CPQ: variants seen among roughly 807,000 people sequenced by gnomAD.
The protein encoded by CPQ is Ser-Met dipeptidase.
Under a neutral mutation model 45.7 loss-of-function variants are expected in CPQ, and 37 were observed. The observed-to-expected ratio is 0.81, with a 90% CI of 0.62 to 1.07. The LOEUF (loss-of-function observed/expected upper bound fraction) is 1.07, where lower values mean the gene tolerates loss of function less well. Among genes scored for constraint, CPQ ranks in the 50% least tolerant of loss-of-function variants. CPQ has a pLI of 0.00. For synonymous variants in CPQ, 186 were observed against 205.8 expected, an observed-to-expected ratio of 0.90 and a Z score of 0.82; for missense variants, 537 against 572.9, an observed-to-expected ratio of 0.94 and a Z score of 0.64.
At chr8:96,812,073 G>A (rs1456547592) in intron 2 of CPQ, among the ~76,000 whole-genome samples, 1 of 152,072 alleles carries the variant, frequency 6.6e-6, no homozygotes, top group Non-Finnish European at 1.5e-5. Flanking sequence ...TCTCTTTGGA[G>A]TACCCATAGA....
chr8:97,090,570 TAAC>T (rs1035239924), intron 7 of CPQ, among the ~76,000 whole-genome samples: 18 of 152,182 alleles, frequency 1.2e-4, no homozygotes, highest in African/African-American at 4.1e-4. Context: ...AACCACTCTC[TAAC>T]TGGTGTCCTT....
chr8:96,782,308 A>G (rs1810697587), intron 1 of CPQ, among the ~76,000 whole-genome samples: 1 of 152,162 alleles, frequency 6.6e-6, no homozygotes. Context: ...TACCACCAGG[A>G]CTTACTGCTT....
At position 97,029,405 on chromosome 8, in the gene CPQ, C is replaced by T; in HGVS notation, c.964C>T (p.Leu322=). Residue 322 remains leucine (L), a splice_region_variant and synonymous_variant, in exon 6 of 8, where the codon CTG becomes TTG. Coordinates refer to ENST00000220763, the MANE Select transcript of CPQ (RefSeq NM_016134.4). ...EALSLIKDLG[L]RPKRTLRLVL... is the part of the protein sequence containing the mutation. ...TTTTTATTTTATTATTTTCCCAGGG[C>T]TGCGTCCAAAGAGGACTCTGCGGCT... The T allele has an allele frequency of 6.2e-7, 1 of 1,601,808 alleles. No homozygotes were observed. Among genetic ancestry groups the T allele is most frequent in the Non-Finnish European group, 8.5e-7 (1 of 1,173,092 alleles).
chr8:96,790,867 A>C (rs899343471), intron 2 of CPQ, among the ~76,000 whole-genome samples: 1 of 152,018 alleles, frequency 6.6e-6, no homozygotes, highest in African/African-American at 2.4e-5. Context: ...AGATCTGCTG[A>C]GTTACTCATG....
intron 7 of CPQ, among the ~76,000 whole-genome samples, chr8:97,096,799 C>G (rs927395609): frequency 2.6e-5 from 4 of 152,208 alleles, no homozygotes; most frequent in Non-Finnish European, 5.9e-5. Flanking sequence ...GACTCAGAAT[C>G]TCTTGGTTGC....
At chr8:96,843,160 G>C (rs1811638295) in intron 3 of CPQ, among the ~76,000 whole-genome samples, 2 of 152,082 alleles carry the variant, frequency 1.3e-5, no homozygotes, top group South Asian at 2.1e-4. Flanking sequence ...GCCCGCCTTG[G>C]CTCCCAAAGT....
At chr8:97,107,441 C>G (rs571161502) in intron 7 of CPQ, among the ~76,000 whole-genome samples, 60 of 152,362 alleles carry the variant, frequency 3.9e-4, no homozygotes, top group African/African-American at 1.4e-3. Flanking sequence ...CCTGCATATC[C>G]CAGCCCTGTC....
intron 7 of CPQ, among the ~76,000 whole-genome samples, chr8:97,123,206 A>AAAAATAAAAT (rs1164063488): frequency 0.016 from 1,445 of 90,922 alleles, 54 homozygotes; most frequent in Admixed American, 0.03. Flanking sequence ...AAATAAAATA[A>AAAAATAAAAT]AAAATAAAAT....
intron 1 of CPQ, among the ~76,000 whole-genome samples, 161 bp from the exon 2 acceptor site, chr8:96,784,703 C>T (rs1298435073): frequency 6.6e-6 from 1 of 152,094 alleles, no homozygotes; most frequent in Non-Finnish European, 1.5e-5. Flanking sequence ...TGCCTCTTTA[C>T]TTGTTCATTC....
At chr8:96,855,089 A>T (rs748304818) in intron 3 of CPQ, among the ~76,000 whole-genome samples, 8 of 152,178 alleles carry the variant, frequency 5.3e-5, no homozygotes, top group Non-Finnish European at 1.0e-4. Context: ...GGGGAGGGTC[A>T]GCCTTTTTGT....
At chr8:97,046,487 AT>A (rs1810258963) in intron 6 of CPQ, among the ~76,000 whole-genome samples, 1 of 152,224 alleles carries the variant, frequency 6.6e-6, no homozygotes, top group South Asian at 2.1e-4. Flanking sequence ...AACAATTCAA[AT>A]TTAGGGAGCT....
chr8:96,754,343 C>G (rs1432824599), intron 1 of CPQ, among the ~76,000 whole-genome samples: 5 of 152,016 alleles, frequency 3.3e-5, no homozygotes, highest in Non-Finnish European at 7.4e-5. Context: ...GAGTGCTTTT[C>G]AAGCACACTC....
chr8:97,117,591 G>A (rs1393861118), intron 7 of CPQ, among the ~76,000 whole-genome samples: 2 of 151,910 alleles, frequency 1.3e-5, no homozygotes, highest in African/African-American at 4.8e-5. Context: ...TGAGTACAGT[G>A]GTGCAACCAC....
At chr8:96,960,879 A>T (rs1338374341) in intron 4 of CPQ, among the ~76,000 whole-genome samples, 1 of 152,132 alleles carries the variant, frequency 6.6e-6, no homozygotes, top group Non-Finnish European at 1.5e-5. Flanking sequence ...ATAATGCATC[A>T]CTAGGTCATT....
At chr8:96,721,064 T>A (rs1443341083) in intron 1 of CPQ, among the ~76,000 whole-genome samples, 3 of 152,066 alleles carry the variant, frequency 2.0e-5, no homozygotes, top group Non-Finnish European at 2.9e-5. Flanking sequence ...AGCCACTCTA[T>A]AAGCTTTGGG....
At chr8:97,131,826 T>C (rs1811963720) in intron 7 of CPQ, among the ~76,000 whole-genome samples, 3 of 152,242 alleles carry the variant, frequency 2.0e-5, no homozygotes, top group Admixed American at 2.0e-4. Flanking sequence ...AGGACCCTTA[T>C]AGGTTCCTAA....
chr8:96,911,804 C>T (rs1812668258), intron 4 of CPQ, among the ~76,000 whole-genome samples: 4 of 152,090 alleles, frequency 2.6e-5, no homozygotes, highest in Admixed American at 1.3e-4. Context: ...GTCTGATTTC[C>T]CTATTATTTC....
chr8:96,791,899 G>T lies in CPQ; in HGVS notation c.433+6569G>T, dbSNP rs2130814990. On this transcript the variant is annotated intron_variant, in intron 2 of 7. Transcript: ENST00000220763. ...ATGGTTGGAATGTTGAATCTGTAAG[G>T]TCTCCTCTAGATTGGAAAGGGTAAT... Among the ~76,000 whole-genome samples the T allele has an allele frequency of 2.6e-5, 4 of 152,236 alleles. 1 individual carries two copies. The highest frequency in any genetic ancestry group is 2.6e-4 in the Admixed American group (4 of 15,270).
chr8:96,898,358 C>G (rs1812470086), intron 4 of CPQ, among the ~76,000 whole-genome samples: 1 of 152,098 alleles, frequency 6.6e-6, no homozygotes. Context: ...AGCTACCACT[C>G]TTTGAGGTTA....
Sources: gnomAD v4.1 joint callset for allele counts (sites outside exome capture counted in the v4.1 genomes callset) on GRCh38, gnomAD v4.1.1 for gene constraint, MANE v1.5 for transcripts, NCBI Gene and HGNC (gene_info 2026-07-23, HGNC 2026-07-21) for gene names.